The following TRAPPC9 variants were observed in gnomAD, a reference collection of about 807,000 sequenced individuals.
The protein encoded by TRAPPC9 is trafficking protein particle complex subunit 9, also known as IKK2 binding protein.
TRAPPC9 carries 83 observed loss-of-function variants against 124.0 expected under a neutral mutation model. The ratio of observed to expected loss-of-function variants is 0.67; its 90% CI spans 0.56 to 0.80. The LOEUF (loss-of-function observed/expected upper bound fraction) is 0.80, where lower values mean the gene tolerates loss of function less well. Among genes scored for constraint, TRAPPC9 ranks in the 30% least tolerant of loss-of-function variants. The probability of loss-of-function intolerance (pLI) is 0.00; values close to 1 mark genes in which losing one functional copy is unlikely to be tolerated. For missense variants in TRAPPC9, 1,302 were observed against 1,508.3 expected (o/e 0.86, Z 2.27); for synonymous variants, 638 against 617.5 (o/e 1.03, Z -0.49).
intron 18 of TRAPPC9, among the ~76,000 whole-genome samples, chr8:139,996,553 A>T (rs1838012243): frequency 6.6e-6 from 1 of 152,188 alleles, no homozygotes; most frequent in Non-Finnish European, 1.5e-5. Context: ...AACAGAAAAA[A>T]AAAACACTCT....
chr8:140,046,167 G>A (rs566411266), intron 17 of TRAPPC9, among the ~76,000 whole-genome samples: 11 of 150,804 alleles, frequency 7.3e-5, no homozygotes, highest in East Asian at 1.9e-4. Context: ...TGTGCTGAGC[G>A]GTCTTGCCGC....
intron 21 of TRAPPC9, among the ~76,000 whole-genome samples, chr8:139,800,980 T>G: frequency 8.2e-6 from 1 of 121,726 alleles, no homozygotes; most frequent in East Asian, 2.7e-4. Flanking sequence ...CCCTCCGGCA[T>G]CTTCCCCCGC....
chr8:140,086,335 G>T (rs1430204931), intron 17 of TRAPPC9, among the ~76,000 whole-genome samples: 2 of 152,216 alleles, frequency 1.3e-5, no homozygotes, highest in Non-Finnish European at 2.9e-5. Context: ...AGAGACAGAA[G>T]AAGCGGGGTA....
At chr8:139,774,658 G>A (rs11998525) in intron 21 of TRAPPC9, among the ~76,000 whole-genome samples, 1 of 152,150 alleles carries the variant, frequency 6.6e-6, no homozygotes, top group South Asian at 2.1e-4. Flanking sequence ...CCAGGAGCAG[G>A]TGCTCCACAA....
intron 19 of TRAPPC9, among the ~76,000 whole-genome samples, chr8:139,987,655 TA>T (rs1837327930): frequency 6.6e-6 from 1 of 152,144 alleles, no homozygotes; most frequent in Non-Finnish European, 1.5e-5. Context: ...CTTCAGCAAT[TA>T]AAAATAAAAA....
chr8:140,122,560 A>C (rs1269877390), intron 17 of TRAPPC9, among the ~76,000 whole-genome samples: 1 of 152,230 alleles, frequency 6.6e-6, no homozygotes, highest in Non-Finnish European at 1.5e-5. Flanking sequence ...AAGCTTTCTA[A>C]GCCTTAGTTT....
chr8:140,166,204 C>T (rs547409861), intron 17 of TRAPPC9, among the ~76,000 whole-genome samples: 236 of 152,322 alleles, frequency 1.5e-3, no homozygotes, highest in Non-Finnish European at 1.9e-3. Context: ...CCATCAGGTC[C>T]CATGGTTCCC....
intron 18 of TRAPPC9, among the ~76,000 whole-genome samples, chr8:140,020,191 G>A (rs1014805200): frequency 6.6e-6 from 1 of 152,086 alleles, no homozygotes; most frequent in Admixed American, 6.5e-5. Flanking sequence ...AGAACCAACT[G>A]TTGGTTTCAC....
intron 9 of TRAPPC9, among the ~76,000 whole-genome samples, chr8:140,349,234 G>GAGGCGGGCGAGGGAA: frequency 9.6e-6 from 1 of 104,676 alleles, no homozygotes; most frequent in East Asian, 2.3e-4. Flanking sequence ...GGGGCCGAAG[G>GAGGCGGGCGAGGGAA]GGGCACACGA....
intron 21 of TRAPPC9, among the ~76,000 whole-genome samples, chr8:139,871,836 T>C (rs185420948): frequency 2.6e-5 from 4 of 152,098 alleles, no homozygotes; most frequent in Non-Finnish European, 5.9e-5. Flanking sequence ...AGCGGATAGG[T>C]GGGTGAATGG....
At chr8:139,902,517 AC>A (rs914273420) in intron 20 of TRAPPC9, among the ~76,000 whole-genome samples, 2 of 152,236 alleles carry the variant, frequency 1.3e-5, no homozygotes, top group African/African-American at 4.8e-5. Context: ...ACAAAATGCA[AC>A]CCTGCATTTT....
intron 2 of TRAPPC9, among the ~76,000 whole-genome samples, chr8:140,447,949 A>G (rs144496492): frequency 0.086 from 13,043 of 152,144 alleles, 612 homozygotes; most frequent in African/African-American, 0.11. Context: ...GTTCGAGACC[A>G]GCCTGGCCAA....
At chr8:139,737,856 C>A (rs1170179087) in intron 21 of TRAPPC9, among the ~76,000 whole-genome samples, 2 of 152,204 alleles carry the variant, frequency 1.3e-5, no homozygotes, top group South Asian at 2.1e-4. Flanking sequence ...TGGCTCCCAA[C>A]CTTCCCTGAG....
At chr8:139,820,863 T>C (rs960915822) in intron 21 of TRAPPC9, among the ~76,000 whole-genome samples, 10 of 152,356 alleles carry the variant, frequency 6.6e-5, no homozygotes, top group South Asian at 2.1e-4. Flanking sequence ...ATCTATCTTA[T>C]TGTATATGCA....
chr8:140,458,372 ACCCCCTGTGACCCTCACGGTAC>A, upstream of TRAPPC9: 1 of 1,596,286 alleles, frequency 6.3e-7, no homozygotes, highest in South Asian at 1.1e-5. Context: ...TCCCTGCGGC[ACCCCCTGTGACCCTCACGGTAC>A]CCCCCGTGAC....
At chr8:140,013,066 G>A (rs1307834689) in intron 18 of TRAPPC9, among the ~76,000 whole-genome samples, 3 of 152,196 alleles carry the variant, frequency 2.0e-5, no homozygotes, top group Admixed American at 2.0e-4. Context: ...GCCACACAGA[G>A]GCAGGAAGAA....
At chr8:139,923,914 T>C (rs1832657189) in intron 19 of TRAPPC9, among the ~76,000 whole-genome samples, 1 of 152,218 alleles carries the variant, frequency 6.6e-6, no homozygotes. Context: ...ACATATTTCA[T>C]CAATTCTAAG....
chr8:140,171,004 C>A (rs2061954915), intron 17 of TRAPPC9, among the ~76,000 whole-genome samples: 1 of 152,196 alleles, frequency 6.6e-6, no homozygotes. Context: ...TGACACCTGG[C>A]CAGCCACATT....
intron 21 of TRAPPC9, among the ~76,000 whole-genome samples, chr8:139,854,982 C>T (rs918886118): frequency 6.6e-5 from 10 of 152,166 alleles, no homozygotes; most frequent in Non-Finnish European, 1.5e-4. Context: ...TGGCTCCTTC[C>T]CTTCCTATCA....
Sources: gnomAD v4.1 joint callset for allele counts (sites outside exome capture counted in the v4.1 genomes callset) on GRCh38, gnomAD v4.1.1 for gene constraint, MANE v1.5 for transcripts, NCBI Gene and HGNC (gene_info 2026-07-23, HGNC 2026-07-21) for gene names.